Variants in GAB1 observed in about 807,000 individuals in gnomAD.
GAB1 encodes the protein GRB2 associated binding protein 1, also known as GRB2-associated-binding protein 1.
A neutral mutation model predicts 66.5 loss-of-function variants in GAB1; 19 were observed. The observed-to-expected ratio is 0.29, with a 90% CI of 0.20 to 0.42. GAB1 has a LOEUF of 0.42. Ranked by LOEUF, GAB1 falls within the 10% of genes least tolerant of loss-of-function variation. GAB1 has a pLI of 1.00. For synonymous variants in GAB1, 294 were observed against 301.4 expected (o/e 0.98, Z 0.25); for missense variants, 732 against 858.5 (o/e 0.85, Z 1.84).
At chr4:143,400,688 C>A (rs1731723108) in intron 1 of GAB1, among the ~76,000 whole-genome samples, 1 of 152,196 alleles carries the variant, frequency 6.6e-6, no homozygotes, top group African/African-American at 2.4e-5. Context: ...TATTGCTTGG[C>A]TGGGCGCGAT....
At chr4:143,355,813 T>C (rs1333266567) in intron 1 of GAB1, among the ~76,000 whole-genome samples, 2 of 152,196 alleles carry the variant, frequency 1.3e-5, no homozygotes, top group Non-Finnish European at 2.9e-5. Flanking sequence ...TGAGTCACCA[T>C]GGGTAAGAGT....
At chr4:143,464,683 G>A (rs1333106204) in intron 8 of GAB1, among the ~76,000 whole-genome samples, 1 of 152,120 alleles carries the variant, frequency 6.6e-6, no homozygotes, top group Non-Finnish European at 1.5e-5. Flanking sequence ...CAGGCTATGT[G>A]CTGCTCACCA....
intron 1 of GAB1, among the ~76,000 whole-genome samples, chr4:143,409,875 G>A (rs1732274538): frequency 6.6e-6 from 1 of 152,084 alleles, no homozygotes; most frequent in African/African-American, 2.4e-5. Context: ...GTTTTGTTTT[G>A]TTTTGTTTTT....
chr4:143,470,403 C>T lies in GAB1; in HGVS notation c.*1214C>T, dbSNP rs1736018816. ...TTTGTACTGTGATTTATATTCACTGCCCCAATTCAAGAAATATTGGAGCCT... is the reference window on the plus strand; with the variant it reads ...TTTGTACTGTGATTTATATTCACTGTCCCAATTCAAGAAATATTGGAGCCT... On this transcript the variant is annotated 3_prime_UTR_variant, in exon 10 of 10. Coordinates refer to ENST00000262994, the MANE Select transcript of GAB1 (RefSeq NM_002039.4). The T allele has an allele frequency of 6.6e-6, 1 of 152,108 alleles. No individual in the cohort carries two copies. Among genetic ancestry groups the T allele is most frequent in the South Asian group, 2.1e-4 (1 of 4,822 alleles). 9.4% of individuals were successfully genotyped at this position (152,108 alleles called of 1,614,324 possible). A position where few individuals can be genotyped will look rare whatever the true frequency, so the allele number is the denominator to read the frequency against.
At chr4:143,425,598 C>T (rs1438801683) in intron 2 of GAB1, 22 of 762,464 alleles carry the variant, frequency 2.9e-5, no homozygotes, top group Admixed American at 2.6e-4. Flanking sequence ...TCTGCGCGTG[C>T]GTGGCACCAT....
chr4:143,386,909 T>A (rs2149682129), intron 1 of GAB1, among the ~76,000 whole-genome samples: 1 of 152,298 alleles, frequency 6.6e-6, no homozygotes, highest in South Asian at 2.1e-4. Context: ...CTAAAGTATT[T>A]ATTATCTTGC....
intron 3 of GAB1, among the ~76,000 whole-genome samples, chr4:143,436,433 T>A (rs980615137): frequency 6.6e-6 from 1 of 152,244 alleles, no homozygotes; most frequent in Non-Finnish European, 1.5e-5. Context: ...ATAACAACTG[T>A]GTTTTGAAAA....
At chr4:143,350,962 T>A (rs1455147307) in intron 1 of GAB1, among the ~76,000 whole-genome samples, 1 of 152,192 alleles carries the variant, frequency 6.6e-6, no homozygotes, top group South Asian at 2.1e-4. Flanking sequence ...GGGCATGCAA[T>A]GGGGATGTGC....
intron 6 of GAB1, among the ~76,000 whole-genome samples, chr4:143,449,221 A>G (rs1393554417): frequency 3.1e-4 from 45 of 146,092 alleles, no homozygotes; most frequent in East Asian, 1.7e-3. Flanking sequence ...TATGTGGTCA[A>G]TTTTGGAATA....
chr4:143,390,620 A>G (rs1275852242), intron 1 of GAB1, among the ~76,000 whole-genome samples: 1 of 152,174 alleles, frequency 6.6e-6, no homozygotes, highest in Non-Finnish European at 1.5e-5. Flanking sequence ...TAAAACACCC[A>G]GAACAGTGCT....
At chr4:143,410,782 G>T (rs1732341654) in intron 1 of GAB1, among the ~76,000 whole-genome samples, 1 of 152,162 alleles carries the variant, frequency 6.6e-6, no homozygotes, top group African/African-American at 2.4e-5. Context: ...TGCATAAATA[G>T]TATGAGAACT....
At chr4:143,454,227 T>C (rs1735069444) in intron 6 of GAB1, among the ~76,000 whole-genome samples, 1 of 152,238 alleles carries the variant, frequency 6.6e-6, no homozygotes, top group Admixed American at 6.5e-5. Context: ...AAATAAGTCA[T>C]ATGTATTCTG....
chr4:143,398,958 C>T (rs1731602922), intron 1 of GAB1, among the ~76,000 whole-genome samples: 1 of 152,068 alleles, frequency 6.6e-6, no homozygotes. Context: ...AGACAAAACC[C>T]ATACCCTTTC....
At chr4:143,459,978 G>A (rs2149791016) in intron 7 of GAB1, among the ~76,000 whole-genome samples, 1 of 152,110 alleles carries the variant, frequency 6.6e-6, no homozygotes, top group East Asian at 1.9e-4. Flanking sequence ...GGAATTGAGA[G>A]GAATTTATGA....
intron 2 of GAB1, among the ~76,000 whole-genome samples, chr4:143,418,565 G>T (rs1732827135): frequency 6.6e-6 from 1 of 152,076 alleles, no homozygotes; most frequent in African/African-American, 2.4e-5. Flanking sequence ...TTTGCCTATT[G>T]CCTTTTCAAT....
intron 3 of GAB1, among the ~76,000 whole-genome samples, chr4:143,435,835 T>G (rs950157249): frequency 9.2e-5 from 14 of 152,206 alleles, no homozygotes; most frequent in African/African-American, 3.4e-4. Context: ...AAGACTTTAG[T>G]TAGAATGTGC....
chr4:143,398,247 T>C (rs1284079851), intron 1 of GAB1, among the ~76,000 whole-genome samples: 1 of 152,234 alleles, frequency 6.6e-6, no homozygotes, highest in Non-Finnish European at 1.5e-5. Flanking sequence ...ACTAATGCAC[T>C]TCTATGAAGG....
chr4:143,405,116 A>G (rs1731974314), intron 1 of GAB1, among the ~76,000 whole-genome samples: 1 of 152,240 alleles, frequency 6.6e-6, no homozygotes. Flanking sequence ...CATTGACATT[A>G]TACTTCATAG....
chr4:143,430,461 A>G (rs139219091), intron 2 of GAB1, among the ~76,000 whole-genome samples: 290 of 152,316 alleles, frequency 1.9e-3, no homozygotes, highest in African/African-American at 6.6e-3. Context: ...AAACATGTCA[A>G]ATAGTCCTGT....
Sources: gnomAD v4.1 joint callset for allele counts (sites outside exome capture counted in the v4.1 genomes callset) on GRCh38, gnomAD v4.1.1 for gene constraint, MANE v1.5 for transcripts, NCBI Gene and HGNC (gene_info 2026-07-23, HGNC 2026-07-21) for gene names.